The following TXNRD1 variants were observed in gnomAD, a reference collection of about 807,000 sequenced individuals.
TXNRD1 encodes the protein thioredoxin reductase 1, cytoplasmic.
Under a neutral mutation model 80.3 loss-of-function variants are expected in TXNRD1, and 57 were observed. The observed-to-expected ratio is 0.71, with a 90% CI of 0.57 to 0.89. The LOEUF is 0.89. Ranked by LOEUF, TXNRD1 falls within the 40% of genes least tolerant of loss-of-function variation. TXNRD1 has a pLI of 0.00. For missense variants in TXNRD1, 730 were observed against 803.0 expected, an observed-to-expected ratio of 0.91 and a Z score of 1.10; for synonymous variants, 291 against 285.2, an observed-to-expected ratio of 1.02 and a Z score of -0.20.
intron 4 of TXNRD1, chr12:104,303,618 G>A (rs1742484130): frequency 3.0e-6 from 1 of 334,636 alleles, no homozygotes; most frequent in Non-Finnish European, 5.4e-6. Context: ...GCGCGTGTTG[G>A]GAGCGCCGCG....
Position 104,258,086 on chromosome 12 carries a change from T to C in TXNRD1, c.304+7T>C. 6.5e-7 allele frequency: 1 copy of C among 1,533,674 alleles called. No individual in the cohort carries two copies. The highest frequency in any genetic ancestry group is 1.2e-5 in the South Asian group (1 of 82,834). On this transcript the variant is annotated splice_region_variant and intron_variant, in intron 3 of 16. Transcript: ENST00000525566. ...CTTGAACTTGATCAAACAGGTAAGT[T>C]TCTGTTTAATATGTAAATCATAGCT...
At chr12:104,294,600 CTTGT>C (rs1395889245) in intron 4 of TXNRD1, among the ~76,000 whole-genome samples, 34 of 152,262 alleles carry the variant, frequency 2.2e-4, no homozygotes, top group African/African-American at 7.5e-4. Flanking sequence ...TATAACAATT[CTTGT>C]TTTATATTAT....
At chr12:104,278,295 G>A (rs1444156224) in intron 3 of TXNRD1, among the ~76,000 whole-genome samples, 4 of 145,866 alleles carry the variant, frequency 2.7e-5, no homozygotes, top group African/African-American at 1.0e-4. Flanking sequence ...CCACCTCCCC[G>A]GTCCACGCCT....
chr12:104,313,571 A>G (rs1445930540), intron 6 of TXNRD1, among the ~76,000 whole-genome samples: 1 of 152,264 alleles, frequency 6.6e-6, no homozygotes, highest in Non-Finnish European at 1.5e-5. Context: ...TAAATATTTG[A>G]GTAATCTAGC....
At chr12:104,340,892 G>A (rs1234372974) in intron 16 of TXNRD1, among the ~76,000 whole-genome samples, 1 of 152,174 alleles carries the variant, frequency 6.6e-6, no homozygotes, top group Non-Finnish European at 1.5e-5. Context: ...ATACTCACAA[G>A]CTTCAATAGC....
chr12:104,254,642 A>ATATATATATATATATATAT (rs1555207862), intron 2 of TXNRD1, among the ~76,000 whole-genome samples: 5 of 104,536 alleles, frequency 4.8e-5, no homozygotes, highest in Admixed American at 1.0e-4. Flanking sequence ...AAAAAAAAAA[A>ATATATATATATATATATAT]AAATATATAT....
intron 3 of TXNRD1, among the ~76,000 whole-genome samples, chr12:104,259,578 G>A (rs567004748): frequency 9.8e-5 from 14 of 143,058 alleles, no homozygotes; most frequent in African/African-American, 2.6e-4. Context: ...CGCAACCTCC[G>A]CCTCCCAGGT....
Position 104,342,824 on chromosome 12 carries a change from A to G in TXNRD1, c.1881+3551A>G, listed in dbSNP as rs560587766. ...GTACATTGTTCAGAAACATTCCTCCAGCTGCACCGTGGAAGCGGGACTGAG... is the reference window on the plus strand; with the variant it reads ...GTACATTGTTCAGAAACATTCCTCCGGCTGCACCGTGGAAGCGGGACTGAG... On this transcript the variant is annotated intron_variant, in intron 16 of 16. Coordinates refer to ENST00000525566, the MANE Select transcript of TXNRD1 (RefSeq NM_001093771.3). 9.2e-5 allele frequency among the ~76,000 whole-genome samples: 14 copies of G among 152,308 alleles called. No homozygotes were observed. In the South Asian group the frequency reaches 2.7e-3, roughly 29 times the overall value.
chr12:104,223,000 TTGGG>T (rs1014114339), intron 1 of TXNRD1, among the ~76,000 whole-genome samples: 118 of 152,296 alleles, frequency 7.7e-4, no homozygotes, highest in African/African-American at 2.7e-3. Context: ...TAAATGATCC[TTGGG>T]TGGGCTTGTT....
intron 3 of TXNRD1, among the ~76,000 whole-genome samples, chr12:104,270,330 C>T (rs192268070): frequency 6.6e-6 from 1 of 152,134 alleles, no homozygotes. Flanking sequence ...AATCCTTTAT[C>T]CCTGGGCTGC....
intron 5 of TXNRD1, among the ~76,000 whole-genome samples, chr12:104,312,693 A>C (rs1285201698): frequency 6.6e-6 from 1 of 152,228 alleles, no homozygotes; most frequent in Non-Finnish European, 1.5e-5. Flanking sequence ...TATATTTGGA[A>C]ATATCATAGA....
chr12:104,230,807 G>A (rs971583388), intron 1 of TXNRD1, among the ~76,000 whole-genome samples: 1 of 152,158 alleles, frequency 6.6e-6, no homozygotes, highest in Non-Finnish European at 1.5e-5. Flanking sequence ...AGGAGGTGGT[G>A]TCTGATTTGC....
intron 1 of TXNRD1, among the ~76,000 whole-genome samples, chr12:104,243,847 G>C (rs1272315179): frequency 6.6e-6 from 1 of 152,212 alleles, no homozygotes; most frequent in Non-Finnish European, 1.5e-5. Context: ...GTTTAGCCTT[G>C]CCATGTGCTT....
intron 3 of TXNRD1, among the ~76,000 whole-genome samples, chr12:104,275,890 G>A (rs546762486): frequency 1.8e-4 from 28 of 152,170 alleles, no homozygotes; most frequent in African/African-American, 4.6e-4. Context: ...TACTCATCTC[G>A]TTTTCCACAA....
At position 104,346,115 on chromosome 12, in the gene TXNRD1, C is replaced by T. The variant is rs756435730; in HGVS notation, c.1882-2238C>T. Reference sequence around the variant, plus strand: ...GCAGCCTTGACCTTTCAAGCTCAAGCGATGTTCCTGCCTCAGTCTCCTGAG... The same window carrying T: ...GCAGCCTTGACCTTTCAAGCTCAAGTGATGTTCCTGCCTCAGTCTCCTGAG... On this transcript the variant is annotated intron_variant, in intron 16 of 16. Transcript: ENST00000525566. 490 of 660,172 alleles carry T rather than the reference C, an allele frequency of 7.4e-4. 2 individuals are homozygous for T. The highest frequency in any genetic ancestry group is 1.1e-3 in the Non-Finnish European group (443 of 418,278). 40.9% of individuals were successfully genotyped at this position (660,172 alleles called of 1,614,324 possible).
rs1038361961 is a variant in TXNRD1, at chr12:104,318,806, G to A, written c.731-107G>A. Reference sequence around the variant, plus strand: ...AATGGAGGATTTGCCCTTTCAGATTGCCTTTTAGAGCTCTGCTCCCTGTAT... The same window carrying A: ...AATGGAGGATTTGCCCTTTCAGATTACCTTTTAGAGCTCTGCTCCCTGTAT... On this transcript the variant is annotated intron_variant, in intron 7 of 16. Coordinates refer to ENST00000525566, the MANE Select transcript of TXNRD1 (RefSeq NM_001093771.3). The A allele has an allele frequency of 2.5e-6, 3 of 1,176,930 alleles. No homozygotes were observed. The African/African-American group carries it at 4.6e-5, about 18-fold the overall frequency. The allele number at this position is 1,176,930 out of a possible 1,614,324, so 72.9% of individuals were successfully genotyped here.
intron 3 of TXNRD1, among the ~76,000 whole-genome samples, chr12:104,261,378 G>A (rs143180518): frequency 6.6e-5 from 10 of 152,220 alleles, no homozygotes; most frequent in African/African-American, 2.4e-4. Context: ...GGTCAGGCTG[G>A]TCTTGAACTC....
chr12:104,348,329 G>C, intron 16 of TXNRD1, 24 bp from the exon 17 acceptor site: 1 of 1,613,316 alleles, frequency 6.2e-7, no homozygotes, highest in Non-Finnish European at 8.5e-7. Flanking sequence ...ATCTGAAGAT[G>C]TTGTGCTTTC....
chr12:104,284,794 AG>A (rs1357168921), intron 3 of TXNRD1, among the ~76,000 whole-genome samples: 41 of 152,214 alleles, frequency 2.7e-4, no homozygotes, highest in Non-Finnish European at 5.6e-4. Flanking sequence ...TTGAAGGACT[AG>A]GCCCTTAGGG....
Sources: gnomAD v4.1 joint callset for allele counts (sites outside exome capture counted in the v4.1 genomes callset) on GRCh38, gnomAD v4.1.1 for gene constraint, MANE v1.5 for transcripts, NCBI Gene and HGNC (gene_info 2026-07-23, HGNC 2026-07-21) for gene names.